AOPEP: variants seen among roughly 807,000 people sequenced by gnomAD.
AOPEP encodes the protein aminopeptidase O.
AOPEP carries 77 observed loss-of-function variants against 98.1 expected under a neutral mutation model. The observed-to-expected ratio is 0.78, with a 90% CI of 0.65 to 0.95. The LOEUF is 0.95. Ranked by LOEUF, AOPEP falls within the 40% of genes least tolerant of loss-of-function variation. The pLI, the probability that AOPEP is intolerant of heterozygous loss-of-function variation, is 0.00. For missense variants in AOPEP, 1,024 were observed against 1,024.7 expected (o/e 1.00, Z 0.01); for synonymous variants, 346 against 365.3 (o/e 0.95, Z 0.60).
intron 5 of AOPEP, among the ~76,000 whole-genome samples, chr9:94,898,666 G>A (rs2049927419): frequency 6.7e-6 from 1 of 148,964 alleles, no homozygotes; most frequent in Non-Finnish European, 1.5e-5. Flanking sequence ...AAAAAAGGCC[G>A]GGTGCAGTGG....
chr9:95,103,451 C>T, the AOPEP span, among the ~76,000 whole-genome samples: 2 of 152,180 alleles, frequency 1.3e-5, no homozygotes, highest in Non-Finnish European at 2.9e-5. Flanking sequence ...TTGCTGTGGC[C>T]CAGCAGCAGG....
At chr9:94,920,725 C>T (rs1319774654) in intron 5 of AOPEP, among the ~76,000 whole-genome samples, 3 of 152,190 alleles carry the variant, frequency 2.0e-5, no homozygotes, top group Non-Finnish European at 4.4e-5. Flanking sequence ...TTAACAGACG[C>T]AGTCTTCTAA....
intron 13 of AOPEP, among the ~76,000 whole-genome samples, chr9:95,058,348 G>A (rs1055724563): frequency 3.3e-5 from 5 of 152,184 alleles, no homozygotes; most frequent in African/African-American, 4.8e-5. Flanking sequence ...AAGCACAAGC[G>A]TATAATATGG....
chr9:94,767,302 T>C (rs1839847380), intron 2 of AOPEP, among the ~76,000 whole-genome samples: 1 of 152,246 alleles, frequency 6.6e-6, no homozygotes, highest in Non-Finnish European at 1.5e-5. Flanking sequence ...GCTGTGCATA[T>C]GTCTATTTCC....
intron 13 of AOPEP, among the ~76,000 whole-genome samples, chr9:95,054,760 A>G (rs73657047): frequency 0.015 from 2,345 of 152,338 alleles, 65 homozygotes; most frequent in African/African-American, 0.053. Context: ...CTATATGAAT[A>G]TTTGCTGCTA....
chr9:95,098,591 C>T, the AOPEP span, among the ~76,000 whole-genome samples: 2 of 152,162 alleles, frequency 1.3e-5, no homozygotes, highest in Non-Finnish European at 2.9e-5. Context: ...CTGGGGGTGG[C>T]CACGGCGCTG....
intron 7 of AOPEP, 72 bp downstream of exon 7, chr9:94,928,603 T>C: frequency 2.0e-6 from 2 of 1,018,860 alleles, no homozygotes; most frequent in Non-Finnish European, 3.0e-6. Context: ...CCCTGCCAAC[T>C]GATGACATCT....
At chr9:95,124,244 AG>A in the AOPEP span, among the ~76,000 whole-genome samples, 1 of 152,078 alleles carries the variant, frequency 6.6e-6, no homozygotes, top group East Asian at 1.9e-4. Context: ...AGAGCTTCAC[AG>A]GGGCCGTGAC....
intron 13 of AOPEP, among the ~76,000 whole-genome samples, chr9:95,025,157 C>T (rs1488644436): frequency 6.6e-6 from 1 of 152,170 alleles, no homozygotes; most frequent in African/African-American, 2.4e-5. Flanking sequence ...CTACAGTGCT[C>T]ACCTGCTGCA....
chr9:94,744,632 C>T (rs1324604702), intron 1 of AOPEP, among the ~76,000 whole-genome samples: 2 of 137,608 alleles, frequency 1.5e-5, no homozygotes, highest in South Asian at 2.3e-4. Context: ...ACCCAGGAGA[C>T]GGAGGTTGCA....
At chr9:94,952,250 C>A (rs1247820101) in intron 7 of AOPEP, among the ~76,000 whole-genome samples, 1 of 152,232 alleles carries the variant, frequency 6.6e-6, no homozygotes, top group Non-Finnish European at 1.5e-5. Context: ...TATGCTGTTT[C>A]ATGTACGTGC....
chr9:95,082,914 C>G (rs983568911), intron 16 of AOPEP, 195 bp downstream of exon 16: 2 of 586,570 alleles, frequency 3.4e-6, no homozygotes, highest in Non-Finnish European at 5.9e-6. Context: ...CCTGGAGCAC[C>G]TTGCCTGGCT....
intron 13 of AOPEP, among the ~76,000 whole-genome samples, chr9:95,024,998 A>G (rs2063731483): frequency 6.6e-6 from 1 of 152,324 alleles, no homozygotes; most frequent in South Asian, 2.1e-4. Context: ...ATAGGTATAC[A>G]TAGTTTTAGG....
rs751412679 is a variant in AOPEP, at chr9:94,921,419, ATACT to A, written c.1365-2564_1365-2561del. 26 of 152,374 alleles carry A rather than the reference ATACT, an allele frequency of 1.7e-4. 1 individual carries two copies. The East Asian group carries it at 2.5e-3, about 15-fold the overall frequency. 9.4% of individuals were successfully genotyped at this position (152,374 alleles called of 1,614,324 possible). A position where few individuals can be genotyped will look rare whatever the true frequency, so the allele number is the denominator to read the frequency against. On this transcript the variant is annotated intron_variant, in intron 5 of 16. Transcript: ENST00000375315. ...GGGTAGATTACCTGTTGGGAAAGAAATACTTAATATTATTCCTTGAAGTGAGCTA... is the reference window on the plus strand; with the variant it reads ...GGGTAGATTACCTGTTGGGAAAGAAATAATATTATTCCTTGAAGTGAGCTA...
chr9:95,095,155 A>G, the AOPEP span, among the ~76,000 whole-genome samples: 2 of 152,168 alleles, frequency 1.3e-5, no homozygotes, highest in Non-Finnish European at 2.9e-5. Context: ...AGGTTACCAT[A>G]CTGTTTCCAG....
intron 1 of AOPEP, among the ~76,000 whole-genome samples, chr9:94,749,132 T>C (rs1448699733): frequency 6.6e-6 from 1 of 152,254 alleles, no homozygotes; most frequent in Non-Finnish European, 1.5e-5. Flanking sequence ...AACAAATTTA[T>C]TTATTCAATT....
intron 5 of AOPEP, among the ~76,000 whole-genome samples, chr9:94,853,252 G>A (rs1312055314): frequency 6.6e-6 from 1 of 152,186 alleles, no homozygotes; most frequent in East Asian, 1.9e-4. Flanking sequence ...TTGAGGTCAG[G>A]AGTTTGAGAG....
rs148164629 is a variant in AOPEP at position 94,983,135 on chromosome 9, C to A, written c.1977+3708C>A. 5.2e-3 allele frequency among the ~76,000 whole-genome samples: 798 copies of A among 152,286 alleles called. 14 individuals carry two copies. Among genetic ancestry groups the A allele is most frequent in the East Asian group, 0.043 (224 of 5,182 alleles). On this transcript the variant is annotated intron_variant, in intron 11 of 16. Coordinates refer to ENST00000375315, the MANE Select transcript of AOPEP (RefSeq NM_001193329.3). ...CTCCACCTCCCAGGTTCAAGTGATT[C>A]TTCTGCCTCAGCCTCCCTAGCAGCC...
At chr9:94,996,391 TGAGA>T (rs1554797226) in intron 11 of AOPEP, among the ~76,000 whole-genome samples, 1 of 144,558 alleles carries the variant, frequency 6.9e-6, no homozygotes, top group Non-Finnish European at 1.5e-5. Context: ...TGTGTGTGTG[TGAGA>T]GAGAGATTTT....
Sources: allele counts gnomAD v4.1 joint callset (sites outside exome capture counted in the v4.1 genomes callset), GRCh38; gene constraint gnomAD v4.1.1; transcripts MANE v1.5; gene names NCBI Gene and HGNC (gene_info 2026-07-23, HGNC 2026-07-21).